The following BMP2K variants were observed in gnomAD, a reference collection of about 807,000 sequenced individuals.
BMP2K encodes the protein BMP-2-inducible protein kinase.
BMP2K carries 74 observed loss-of-function variants against 116.0 expected under a neutral mutation model. The observed-to-expected ratio is 0.64, with a 90% CI of 0.53 to 0.77. BMP2K has a LOEUF of 0.77. BMP2K is among the 30% of genes least tolerant of loss of function. The pLI is 0.00. For synonymous variants in BMP2K, 486 were observed against 502.5 expected (o/e 0.97, Z 0.44); for missense variants, 1,365 against 1,403.6 (o/e 0.97, Z 0.44).
intron 3 of BMP2K, among the ~76,000 whole-genome samples, chr4:78,838,690 T>C (rs1730611503): frequency 6.6e-6 from 1 of 152,228 alleles, no homozygotes. Flanking sequence ...TGTATACAGT[T>C]CAGGGACATT....
At chr4:78,901,111 T>C (rs1733977026) in intron 15 of BMP2K, among the ~76,000 whole-genome samples, 1 of 152,154 alleles carries the variant, frequency 6.6e-6, no homozygotes, top group Non-Finnish European at 1.5e-5. Flanking sequence ...GGCGTGATCA[T>C]AGGCTTACTA....
chr4:78,875,529 C>T (rs952185622), intron 13 of BMP2K, among the ~76,000 whole-genome samples: 2 of 152,042 alleles, frequency 1.3e-5, no homozygotes, highest in African/African-American at 2.4e-5. Flanking sequence ...GATATAATTG[C>T]CCTGTTATAT....
At chr4:78,806,345 T>A (rs1208030118) in intron 1 of BMP2K, among the ~76,000 whole-genome samples, 4 of 152,078 alleles carry the variant, frequency 2.6e-5, no homozygotes, top group East Asian at 1.9e-4. Context: ...CCAGTGAATT[T>A]AAAATTTTTT....
At chr4:78,807,920 A>G (rs1350805800) in intron 1 of BMP2K, among the ~76,000 whole-genome samples, 1 of 152,136 alleles carries the variant, frequency 6.6e-6, no homozygotes, top group African/African-American at 2.4e-5. Flanking sequence ...CAGTTTAGCT[A>G]ATGGTTTGCC....
intron 13 of BMP2K, among the ~76,000 whole-genome samples, chr4:78,873,056 T>C (rs777438426): frequency 1.1e-4 from 16 of 152,292 alleles, no homozygotes; most frequent in South Asian, 8.3e-4. Flanking sequence ...ATTATTGGCT[T>C]GTATGTAAAG....
At chr4:78,823,813 C>G (rs533859972) in intron 1 of BMP2K, among the ~76,000 whole-genome samples, 3 of 151,902 alleles carry the variant, frequency 2.0e-5, no homozygotes, top group Non-Finnish European at 4.4e-5. Flanking sequence ...ATAATCTAGA[C>G]CTAGATAGAT....
At chr4:78,906,348 T>G (rs978026225) in intron 15 of BMP2K, among the ~76,000 whole-genome samples, 3 of 152,108 alleles carry the variant, frequency 2.0e-5, no homozygotes, top group Admixed American at 6.6e-5. Context: ...GATTGTTATT[T>G]TAGTTTTATG....
intron 7 of BMP2K, among the ~76,000 whole-genome samples, chr4:78,856,150 T>C (rs1360890558): frequency 6.6e-6 from 1 of 152,180 alleles, no homozygotes; most frequent in Non-Finnish European, 1.5e-5. Context: ...AAAATGGCTT[T>C]AGAAAAACTA....
At chr4:78,834,916 A>G (rs747635025) in intron 3 of BMP2K, among the ~76,000 whole-genome samples, 12 of 152,112 alleles carry the variant, frequency 7.9e-5, no homozygotes, top group Non-Finnish European at 1.6e-4. Context: ...TTTTCTTTAT[A>G]TCTTATCTTC....
Position 78,911,205 on chromosome 4 carries a change from T to C in BMP2K, c.2658T>C (p.Pro886=). 6.2e-7 allele frequency: 1 copy of C among 1,613,824 alleles called. No individual in the cohort carries two copies. The change falls in exon 16 of 16, where the codon CCT becomes CCC. Residue 886 remains proline, a synonymous_variant. Transcript: ENST00000502613. ...NEKNLPQHRF[P]AAGLEQEEFD... ...AGAACCTCCCTCAACACAGGTTTCCTGCTGCAGGACTGGAGCAGGAGGAAT... is the reference window on the plus strand; with the variant it reads ...AGAACCTCCCTCAACACAGGTTTCCCGCTGCAGGACTGGAGCAGGAGGAAT...
chr4:78,874,541 C>T (rs1732540645), intron 13 of BMP2K, among the ~76,000 whole-genome samples: 1 of 152,034 alleles, frequency 6.6e-6, no homozygotes, highest in Non-Finnish European at 1.5e-5. Context: ...TTGATGCTAA[C>T]TAGCATAAAA....
intron 1 of BMP2K, among the ~76,000 whole-genome samples, chr4:78,802,489 GT>G (rs1399000753): frequency 2.2e-4 from 33 of 152,074 alleles, no homozygotes; most frequent in African/African-American, 7.7e-4. Flanking sequence ...TCTTTTTGAT[GT>G]TTTTATACCT....
At chr4:78,796,016 T>C (rs1449546980) in intron 1 of BMP2K, among the ~76,000 whole-genome samples, 3 of 151,766 alleles carry the variant, frequency 2.0e-5, no homozygotes, top group African/African-American at 7.3e-5. Flanking sequence ...GGAAATACCA[T>C]TTGACCCAGC....
chr4:78,840,935 A>G (rs1182143847), intron 3 of BMP2K, among the ~76,000 whole-genome samples: 1 of 152,120 alleles, frequency 6.6e-6, no homozygotes, highest in Non-Finnish European at 1.5e-5. Flanking sequence ...CCAAGAAAGC[A>G]TTTTTTTATT....
intron 1 of BMP2K, 137 bp from the exon 2 acceptor site, chr4:78,825,900 C>T: frequency 1.5e-6 from 1 of 646,326 alleles, no homozygotes; most frequent in South Asian, 2.0e-5. Flanking sequence ...ATTTAATCTA[C>T]TAGTAGCTTA....
In BMP2K at chr4:78,814,204, G is replaced by T. The variant is rs10031754; in HGVS notation, c.179-11833G>T. The stretch of plus-strand genomic sequence containing the variant: ...GTCCTCAAGAATTACTCCTTTTTGA[G>T]TTAAAAATGGCATTTTCTTTTTCTC... On this transcript the variant is annotated intron_variant, in intron 1 of 15. Transcript: ENST00000502613. Among the ~76,000 whole-genome samples the T allele has an allele frequency of 2.8e-3, 428 of 152,256 alleles. 7 individuals carry two copies. Among genetic ancestry groups the T allele is most frequent in the Admixed American group, 0.019 (284 of 15,288 alleles).
intron 3 of BMP2K, among the ~76,000 whole-genome samples, chr4:78,834,574 T>A (rs577904951): frequency 3.8e-4 from 58 of 152,296 alleles, no homozygotes; most frequent in African/African-American, 1.4e-3. Flanking sequence ...AAAATTTTAA[T>A]GTGTGGAAAG....
chr4:78,899,960 A>G (rs1733907349), intron 15 of BMP2K, among the ~76,000 whole-genome samples: 1 of 152,174 alleles, frequency 6.6e-6, no homozygotes, highest in African/African-American at 2.4e-5. Context: ...AGAAAATTAT[A>G]TGATGTGAGA....
In BMP2K at chr4:78,911,263, A is replaced by G; in HGVS notation, c.2716A>G (p.Lys906Glu). 1 of 1,614,020 alleles carries G rather than the reference A, an allele frequency of 6.2e-7. No individual in the cohort carries two copies. The part of the protein sequence containing the change: ...DVFTKAPFSK[K>E]VNVQECHAVG... Reference sequence around the variant, plus strand: ...ATTCACAAAGGCGCCTTTTAGCAAGAAGGTGAATGTACAAGAATGCCATGC... The same window carrying G: ...ATTCACAAAGGCGCCTTTTAGCAAGGAGGTGAATGTACAAGAATGCCATGC... The change falls in exon 16 of 16, where the codon AAG becomes GAG. Residue 906 changes from lysine to glutamate, a missense_variant. Coordinates refer to ENST00000502613, the MANE Select transcript of BMP2K (RefSeq NM_198892.2).
Sources: gnomAD v4.1 joint callset for allele counts (sites outside exome capture counted in the v4.1 genomes callset) on GRCh38, gnomAD v4.1.1 for gene constraint, MANE v1.5 for transcripts, NCBI Gene and HGNC (gene_info 2026-07-23, HGNC 2026-07-21) for gene names.